GPHN: variants seen among roughly 807,000 people sequenced by gnomAD.
GPHN encodes the protein gephyrin.
In GPHN, 17 loss-of-function variants were observed where a neutral mutation model predicts 95.5. That is an observed-to-expected ratio of 0.18 (90% CI 0.12 to 0.27). The LOEUF (loss-of-function observed/expected upper bound fraction) is 0.27, where lower values mean the gene tolerates loss of function less well. Among genes scored for constraint, GPHN ranks in the 10% least tolerant of loss-of-function variants. GPHN has a pLI of 1.00. For synonymous variants in GPHN, 320 were observed against 322.5 expected (o/e 0.99, Z 0.08); for missense variants, 660 against 978.1 (o/e 0.67, Z 4.34).
At chr14:67,726,909 C>A in the GPHN span, 7 of 1,364,290 alleles carry the variant, frequency 5.1e-6, no homozygotes, top group African/African-American at 2.9e-5. Flanking sequence ...ACACTGAAGT[C>A]CTCTTGGCTC....
chr14:67,579,652 ACCT>A, the GPHN span: 2 of 1,475,032 alleles, frequency 1.4e-6, no homozygotes, highest in Non-Finnish European at 9.3e-7. Context: ...GTATCCAGAC[ACCT>A]CCACCAGCCC....
At chr14:66,700,337 CTG>C (rs1272278216) in intron 2 of GPHN, among the ~76,000 whole-genome samples, 1 of 152,000 alleles carries the variant, frequency 6.6e-6, no homozygotes, top group Non-Finnish European at 1.5e-5. Flanking sequence ...AATTTCTAAA[CTG>C]TGTGAGAGAA....
chr14:66,754,497 G>A (rs543540470), intron 2 of GPHN, among the ~76,000 whole-genome samples: 9 of 151,052 alleles, frequency 6.0e-5, no homozygotes, highest in Non-Finnish European at 8.8e-5. Flanking sequence ...AGTCATATGT[G>A]TAAGTTATGC....
At chr14:67,556,831 T>TA in the GPHN span, among the ~76,000 whole-genome samples, 121 of 152,324 alleles carry the variant, frequency 7.9e-4, 2 homozygotes, top group African/African-American at 2.8e-3. Flanking sequence ...TGGCTCCATC[T>TA]AGCTGCAGAA....
the GPHN span, among the ~76,000 whole-genome samples, chr14:67,332,427 A>C: frequency 6.6e-6 from 1 of 152,246 alleles, no homozygotes; most frequent in Non-Finnish European, 1.5e-5. Context: ...TGTTACTATT[A>C]GGAAGAGGTT....
the GPHN span, among the ~76,000 whole-genome samples, chr14:67,631,212 A>C: frequency 1.3e-5 from 2 of 152,040 alleles, no homozygotes; most frequent in East Asian, 3.9e-4. Context: ...TGGCTTTCTC[A>C]TTGCCCTTTC....
At chr14:66,682,760 T>A (rs115062775) in intron 2 of GPHN, among the ~76,000 whole-genome samples, 24 of 151,942 alleles carry the variant, frequency 1.6e-4, no homozygotes, top group African/African-American at 5.3e-4. Context: ...AAAAAAAAAA[T>A]TATTATTGTA....
chr14:66,864,398 C>T (rs1040133879), intron 4 of GPHN, among the ~76,000 whole-genome samples: 3 of 152,128 alleles, frequency 2.0e-5, no homozygotes, highest in Admixed American at 6.6e-5. Flanking sequence ...CCATGGAGAA[C>T]AGTTTGGAGG....
the GPHN span, chr14:67,677,375 T>TG: frequency 1.4e-5 from 2 of 141,400 alleles, no homozygotes; most frequent in Admixed American, 7.2e-5. Context: ...TTTTTTTTTT[T>TG]TTTTTTTTTT....
At chr14:67,110,366 G>A (rs967803225) in intron 14 of GPHN, 107 bp downstream of exon 14, 1 of 1,168,894 alleles carries the variant, frequency 8.6e-7, no homozygotes, top group African/African-American at 1.5e-5. Context: ...GGGTTGTTTA[G>A]TTTTGTTTTG....
At chr14:67,085,237 G>A (rs1398266922) in intron 11 of GPHN, among the ~76,000 whole-genome samples, 2 of 152,134 alleles carry the variant, frequency 1.3e-5, no homozygotes, top group African/African-American at 4.8e-5. Flanking sequence ...AATTATTATT[G>A]AGTAGATTCT....
chr14:66,986,906 G>A (rs79472127), intron 9 of GPHN, among the ~76,000 whole-genome samples: 2,303 of 152,156 alleles, frequency 0.015, 33 homozygotes, highest in Non-Finnish European at 0.018. Context: ...TTGTTTATTT[G>A]TTTGTGTGTG....
the GPHN span, among the ~76,000 whole-genome samples, chr14:67,277,745 T>A: frequency 6.6e-6 from 1 of 152,302 alleles, no homozygotes; most frequent in African/African-American, 2.4e-5. Flanking sequence ...GAAAGATTTT[T>A]AAAATAGAAT....
In GPHN at chr14:66,511,577, C is replaced by T. The variant is rs547974600; in HGVS notation, c.64+2986C>T. 2.2e-4 allele frequency among the ~76,000 whole-genome samples: 33 copies of T among 152,082 alleles called. No homozygotes were observed. In the South Asian group the frequency reaches 2.9e-3, roughly 13 times the overall value. On this transcript the variant is annotated intron_variant, in intron 1 of 22. Coordinates refer to ENST00000478722, the MANE Select transcript of GPHN (RefSeq NM_020806.5). ...ATTGACGTTGTGACATTTTTTATTACCTGTTGAAAGATATTTGTTCTTTGA... is the reference window on the plus strand; with the variant it reads ...ATTGACGTTGTGACATTTTTTATTATCTGTTGAAAGATATTTGTTCTTTGA...
At chr14:66,742,392 C>T (rs891497834) in intron 2 of GPHN, among the ~76,000 whole-genome samples, 1 of 152,090 alleles carries the variant, frequency 6.6e-6, no homozygotes, top group African/African-American at 2.4e-5. Flanking sequence ...TATGCACATT[C>T]CTAGTATGTG....
the GPHN span, chr14:67,332,996 C>CA: frequency 3.8e-4 from 599 of 1,559,222 alleles, 4 homozygotes; most frequent in East Asian, 0.011. Context: ...CTTGATCTGG[C>CA]AAAAACTGCC....
At chr14:67,551,554 A>G in the GPHN span, among the ~76,000 whole-genome samples, 1 of 152,174 alleles carries the variant, frequency 6.6e-6, no homozygotes, top group African/African-American at 2.4e-5. Flanking sequence ...GTGAGGTTCC[A>G]CTGCCTTACC....
chr14:67,096,229 T>A (rs1258465317), intron 12 of GPHN, among the ~76,000 whole-genome samples: 1 of 152,166 alleles, frequency 6.6e-6, no homozygotes, highest in African/African-American at 2.4e-5. Context: ...ATAGTGCAAG[T>A]GAGCACATAT....
chr14:66,807,346 G>A (rs2060586142), intron 3 of GPHN, among the ~76,000 whole-genome samples: 2 of 152,186 alleles, frequency 1.3e-5, no homozygotes, highest in Non-Finnish European at 2.9e-5. Context: ...AACATATGCA[G>A]TAGGTATAAT....
Sources: allele counts gnomAD v4.1 joint callset (sites outside exome capture counted in the v4.1 genomes callset), GRCh38; gene constraint gnomAD v4.1.1; transcripts MANE v1.5; gene names NCBI Gene and HGNC (gene_info 2026-07-23, HGNC 2026-07-21).